Variants in PSG5 observed in about 807,000 individuals in gnomAD.
PSG5 encodes pregnancy specific beta-1-glycoprotein 5.
A neutral mutation model predicts 37.7 loss-of-function variants in PSG5; 53 were observed. The observed-to-expected ratio is 1.41, with a 90% CI of 1.13 to 1.77. The LOEUF (loss-of-function observed/expected upper bound fraction) is 1.77, where lower values mean the gene tolerates loss of function less well. Ranked by LOEUF, PSG5 falls within the 40% of genes most tolerant of loss-of-function variation. PSG5 has a pLI of 0.00. For synonymous variants in PSG5, 221 were observed against 155.4 expected, an observed-to-expected ratio of 1.42 and a Z score of -3.14; for missense variants, 547 against 405.2, an observed-to-expected ratio of 1.35 and a Z score of -3.00.
intron 3 of PSG5, 54 bp from the exon 4 acceptor site, chr19:43,175,523 T>C (rs1264574621): frequency 1.3e-6 from 2 of 1,558,946 alleles, no homozygotes; most frequent in Non-Finnish European, 8.7e-7. Flanking sequence ...AAGGGGATGC[T>C]CCTGGTCTCT....
At chr19:43,183,023 G>A (rs370639326) in intron 2 of PSG5, among the ~76,000 whole-genome samples, 12 of 150,978 alleles carry the variant, frequency 7.9e-5, no homozygotes, top group African/African-American at 2.7e-4. Context: ...TCTGGGGAAG[G>A]CCTAGGGGTG....
chr19:43,175,720 G>T (rs1161121967), intron 3 of PSG5, 150 bp downstream of exon 3: 2 of 1,475,380 alleles, frequency 1.4e-6, no homozygotes, highest in African/African-American at 1.4e-5. Flanking sequence ...TGCCTACCTA[G>T]GTTTTCCAAG....
intron 2 of PSG5, among the ~76,000 whole-genome samples, chr19:43,179,998 C>A (rs563520550): frequency 1.3e-5 from 2 of 151,886 alleles, no homozygotes; most frequent in South Asian, 4.1e-4. Context: ...AAAGGGTAAT[C>A]ATGAACTGAT....
chr19:43,183,962 C>G (rs1055335200), intron 2 of PSG5, among the ~76,000 whole-genome samples: 1 of 151,614 alleles, frequency 6.6e-6, no homozygotes, highest in Non-Finnish European at 1.5e-5. Flanking sequence ...GTCACCTGAC[C>G]TAATGCTTGG....
At chr19:43,170,883 A>G (rs1968891938) in intron 4 of PSG5, 1 of 151,512 alleles carries the variant, frequency 6.6e-6, no homozygotes. Flanking sequence ...CTCAGTTGGT[A>G]AAAACTAACA....
rs955788369 is a variant in PSG5, at chr19:43,174,850, A to C, written c.964+365T>G. 4.3e-6 allele frequency: 5 copies of C among 1,174,340 alleles called. No individual in the cohort carries two copies. The Admixed American group carries it at 1.4e-4, about 32-fold the overall frequency. 72.7% of individuals were successfully genotyped at this position (1,174,340 alleles called of 1,614,324 possible). ...CTCAGATGTTCCTTGTAGCTCATGG[A>C]ATAGGTACAAGGAAACAAAGACATG... On this transcript the variant is annotated intron_variant, in intron 4 of 5. Transcript: ENST00000342951.
intron 2 of PSG5, chr19:43,183,254 G>C (rs988320508): frequency 2.9e-6 from 1 of 341,606 alleles, no homozygotes; most frequent in Admixed American, 3.7e-5. Context: ...GCATGAGGTG[G>C]GGTGGCTTTA....
At chr19:43,181,379 G>C (rs1969124611) in intron 2 of PSG5, among the ~76,000 whole-genome samples, 1 of 151,554 alleles carries the variant, frequency 6.6e-6, no homozygotes, top group South Asian at 2.1e-4. Flanking sequence ...AGTTTCTATT[G>C]ACACATCCTC....
chr19:43,177,797 A>G (rs1969042779), intron 2 of PSG5, among the ~76,000 whole-genome samples: 1 of 151,540 alleles, frequency 6.6e-6, no homozygotes, highest in Non-Finnish European at 1.5e-5. Flanking sequence ...TGTATCTGCA[A>G]CTTGCTTTGG....
intron 2 of PSG5, among the ~76,000 whole-genome samples, chr19:43,176,436 C>G (rs1969013823): frequency 6.6e-6 from 1 of 151,574 alleles, no homozygotes; most frequent in Admixed American, 6.6e-5. Flanking sequence ...TGGTACCCCT[C>G]CCAGTCCCTC....
At chr19:43,181,923 C>T (rs904257159) in intron 2 of PSG5, among the ~76,000 whole-genome samples, 9 of 151,658 alleles carry the variant, frequency 5.9e-5, no homozygotes, top group South Asian at 2.1e-4. Flanking sequence ...GATGGAGTCA[C>T]GAGTGAAACA....
Position 43,185,118 on chromosome 19 carries a change from T to C in PSG5, c.94A>G (p.Ile32Val). 2 of 1,609,594 alleles carry C rather than the reference T, an allele frequency of 1.2e-6. No individual in the cohort carries two copies. The highest frequency in any genetic ancestry group is 1.1e-5 in the South Asian group (1 of 90,734). Residue 32 changes from isoleucine to valine, a missense_variant, in exon 2 of 6, where the codon ATC (isoleucine) becomes GTC (valine). Transcript: ENST00000342951. ...ASLLNFWNLP[I>V]TAQVTIEALP... is the part of the protein sequence containing the mutation. ...GCTTCAATCGTGACTTGAGCAGTGATAGGCAGGTTCCAGAAGTTTAAAAGT... is the reference window on the plus strand; with the variant it reads ...GCTTCAATCGTGACTTGAGCAGTGACAGGCAGGTTCCAGAAGTTTAAAAGT...
rs1969133181 is a variant in PSG5 at position 43,181,743 on chromosome 19, G to C, written c.430+3039C>G. Among the ~76,000 whole-genome samples the C allele has an allele frequency of 1.3e-5, 2 of 151,802 alleles. 1 individual carries two copies. Among genetic ancestry groups the C allele is most frequent in the Non-Finnish European group, 2.9e-5 (2 of 67,954 alleles). The stretch of plus-strand genomic sequence containing the variant: ...CCTGGGATTATAGGCATGAGCCACT[G>C]TGCCCAGCCATCTCTGAGGGATTTT... On this transcript the variant is annotated intron_variant, in intron 2 of 5. Transcript: ENST00000342951.
intron 2 of PSG5, chr19:43,178,819 C>G: frequency 1.2e-6 from 2 of 1,611,584 alleles, no homozygotes; most frequent in Non-Finnish European, 1.7e-6. Context: ...AGAGGCCTGG[C>G]CTCTGGCCAT....
At chr19:43,174,447 T>A in intron 4 of PSG5, 1 of 797,396 alleles carries the variant, frequency 1.3e-6, no homozygotes, top group South Asian at 5.7e-5. Flanking sequence ...GGTGAATCTC[T>A]CTATTTCTCC....
In PSG5 at chr19:43,174,794, T is replaced by C. The variant is rs781174428; in HGVS notation, c.964+421A>G. 376 of 1,171,626 alleles carry C rather than the reference T, an allele frequency of 3.2e-4. 10 individuals are homozygous for C. Among genetic ancestry groups the C allele is most frequent in the Admixed American group, 3.5e-4 (9 of 25,596 alleles). The allele number at this position is 1,171,626 out of a possible 1,614,324, so 72.6% of individuals were successfully genotyped here. A position where few individuals can be genotyped will look rare whatever the true frequency, so the allele number is the denominator to read the frequency against. ...CACCCAAGGGGCTTCCTCGTCTCAT[T>C]TGGGGGAAAAGTGTGAGCTTGTTTC... is the stretch of plus-strand genomic sequence containing the variant. On this transcript the variant is annotated intron_variant, in intron 4 of 5. Transcript: ENST00000342951.
At chr19:43,170,299 T>C (rs1191398769) in intron 4 of PSG5, 161 bp from the exon 5 acceptor site, 1 of 693,652 alleles carries the variant, frequency 1.4e-6, no homozygotes, top group Non-Finnish European at 2.1e-6. Context: ...ATTCTTGCAG[T>C]TTTTTTTTTC....
chr19:43,182,198 C>G (rs1969142900), intron 2 of PSG5, among the ~76,000 whole-genome samples: 1 of 151,638 alleles, frequency 6.6e-6, no homozygotes, highest in South Asian at 2.1e-4. Context: ...CCAGGGATGG[C>G]CTTTGTCAAA....
At chr19:43,168,896 G>A (rs1568546033) in intron 5 of PSG5, among the ~76,000 whole-genome samples, 1 of 151,422 alleles carries the variant, frequency 6.6e-6, no homozygotes. Context: ...AGGTCCTTAG[G>A]TAATTCCAGT....
Sources: allele counts gnomAD v4.1 joint callset (sites outside exome capture counted in the v4.1 genomes callset), GRCh38; gene constraint gnomAD v4.1.1; transcripts MANE v1.5; gene names NCBI Gene and HGNC (gene_info 2026-07-23, HGNC 2026-07-21).